The following ANKS1B variants were observed in gnomAD, a reference collection of about 807,000 sequenced individuals.
ANKS1B encodes the protein ankyrin repeat and sterile alpha motif domain-containing protein 1B.
In ANKS1B, 36 loss-of-function variants were observed where a neutral mutation model predicts 148.3. The ratio of observed to expected loss-of-function variants is 0.24; its 90% CI spans 0.19 to 0.32. ANKS1B has a LOEUF of 0.32. Among genes scored for constraint, ANKS1B ranks in the 10% least tolerant of loss-of-function variants. ANKS1B has a pLI of 1.00. For missense variants in ANKS1B, 1,157 were observed against 1,542.6 expected (o/e 0.75, Z 4.19); for synonymous variants, 542 against 560.8 (o/e 0.97, Z 0.47).
At chr12:99,418,180 T>C (rs2152702297) in intron 11 of ANKS1B, among the ~76,000 whole-genome samples, 1 of 152,298 alleles carries the variant, frequency 6.6e-6, no homozygotes, top group African/African-American at 2.4e-5. Flanking sequence ...ACATTCAGAA[T>C]ACTCTGGACA....
intron 15 of ANKS1B, among the ~76,000 whole-genome samples, chr12:99,124,336 T>C (rs2063706520): frequency 6.6e-6 from 1 of 151,810 alleles, no homozygotes; most frequent in Admixed American, 6.6e-5. Flanking sequence ...AGTTTTTCTC[T>C]TGAGCACTAG....
chr12:98,879,099 T>C (rs1489778957), intron 17 of ANKS1B, among the ~76,000 whole-genome samples: 1 of 152,228 alleles, frequency 6.6e-6, no homozygotes, highest in African/African-American at 2.4e-5. Flanking sequence ...TTGTTAAACT[T>C]AATTTTTCAG....
chr12:99,522,883 C>T (rs1164264930), intron 9 of ANKS1B, among the ~76,000 whole-genome samples: 2 of 152,154 alleles, frequency 1.3e-5, no homozygotes, highest in African/African-American at 4.8e-5. Flanking sequence ...CTGGATTGTG[C>T]TGAATTTCCT....
At chr12:99,718,148 C>T (rs1373559549) in intron 8 of ANKS1B, among the ~76,000 whole-genome samples, 2 of 152,014 alleles carry the variant, frequency 1.3e-5, no homozygotes, top group Non-Finnish European at 2.9e-5. Flanking sequence ...GATCCGCCCG[C>T]CTCTGCTTCC....
At chr12:99,982,859 A>G (rs1165560388) in intron 1 of ANKS1B, among the ~76,000 whole-genome samples, 1 of 152,196 alleles carries the variant, frequency 6.6e-6, no homozygotes, top group Admixed American at 6.5e-5. Context: ...TTAAAATCCC[A>G]TCGACTATTT....
intron 15 of ANKS1B, among the ~76,000 whole-genome samples, chr12:99,103,913 C>A (rs2058576381): frequency 6.6e-6 from 1 of 152,178 alleles, no homozygotes; most frequent in South Asian, 2.1e-4. Context: ...TTACTATATA[C>A]TTGCTAGCAA....
At chr12:99,375,085 G>A in intron 12 of ANKS1B, among the ~76,000 whole-genome samples, 1 of 152,204 alleles carries the variant, frequency 6.6e-6, no homozygotes, top group Admixed American at 6.5e-5. Flanking sequence ...GCTACTTGGT[G>A]AACAGAGTTG....
At chr12:99,304,879 A>T (rs931130302) in intron 12 of ANKS1B, among the ~76,000 whole-genome samples, 3 of 152,170 alleles carry the variant, frequency 2.0e-5, no homozygotes, top group Non-Finnish European at 4.4e-5. Context: ...AATTCATAAA[A>T]AAAGGTTAAT....
intron 3 of ANKS1B, among the ~76,000 whole-genome samples, chr12:99,809,311 T>C (rs1470384675): frequency 2.0e-5 from 3 of 151,838 alleles, no homozygotes; most frequent in Non-Finnish European, 2.9e-5. Flanking sequence ...GATTCGAGTT[T>C]CGGTGAATGG....
chr12:99,747,865 A>G (rs2060741457), intron 8 of ANKS1B, among the ~76,000 whole-genome samples: 1 of 152,170 alleles, frequency 6.6e-6, no homozygotes, highest in South Asian at 2.1e-4. Flanking sequence ...AAAAAACAAC[A>G]TCTAAACTCC....
At chr12:99,112,709 A>C (rs1160484321) in intron 15 of ANKS1B, among the ~76,000 whole-genome samples, 1 of 152,324 alleles carries the variant, frequency 6.6e-6, no homozygotes, top group African/African-American at 2.4e-5. Flanking sequence ...CCATGAGGTA[A>C]GTACAGCTGG....
chr12:99,902,218 CT>C (rs2093624671), intron 1 of ANKS1B, among the ~76,000 whole-genome samples: 1 of 152,002 alleles, frequency 6.6e-6, no homozygotes, highest in Non-Finnish European at 1.5e-5. Flanking sequence ...GACATTTTAG[CT>C]GAAATATAAA....
At chr12:99,813,151 C>A (rs2068641683) in intron 2 of ANKS1B, among the ~76,000 whole-genome samples, 1 of 151,562 alleles carries the variant, frequency 6.6e-6, no homozygotes, top group Non-Finnish European at 1.5e-5. Flanking sequence ...ATATATCCTA[C>A]CTCAAAAATT....
intron 17 of ANKS1B, among the ~76,000 whole-genome samples, chr12:98,941,333 A>G (rs2099836263): frequency 6.6e-6 from 1 of 152,206 alleles, no homozygotes; most frequent in Admixed American, 6.5e-5. Context: ...GCTGCAGGCG[A>G]TTTTAAACCA....
intron 25 of ANKS1B, among the ~76,000 whole-genome samples, chr12:98,757,611 G>A (rs61933563): frequency 0.016 from 2,435 of 152,262 alleles, 24 homozygotes; most frequent in South Asian, 0.026. Context: ...GCACTAAGGT[G>A]TCCCATCCCA....
chr12:99,713,038 GT>G (rs1316710370), intron 8 of ANKS1B, among the ~76,000 whole-genome samples: 1 of 152,192 alleles, frequency 6.6e-6, no homozygotes, highest in African/African-American at 2.4e-5. Context: ...CAAGCTGGCA[GT>G]GTTTCTGCTG....
intron 16 of ANKS1B, among the ~76,000 whole-genome samples, chr12:99,059,038 A>AT (rs1408034730): frequency 6.6e-6 from 1 of 152,088 alleles, no homozygotes; most frequent in African/African-American, 2.4e-5. Context: ...CGCCCGGCCA[A>AT]TTCTATCTAT....
chr12:99,766,259 T>C (rs2062633683), intron 8 of ANKS1B, among the ~76,000 whole-genome samples: 1 of 152,098 alleles, frequency 6.6e-6, no homozygotes. Flanking sequence ...AATCTAATAA[T>C]GAACCTACTG....
chr12:99,512,526 T>C (rs541717036), intron 9 of ANKS1B, among the ~76,000 whole-genome samples: 1 of 152,256 alleles, frequency 6.6e-6, no homozygotes, highest in Non-Finnish European at 1.5e-5. Context: ...AGAAAAAGCA[T>C]TTGACCCAGC....
Sources: allele counts gnomAD v4.1 joint callset (sites outside exome capture counted in the v4.1 genomes callset), GRCh38; gene constraint gnomAD v4.1.1; transcripts MANE v1.5; gene names NCBI Gene and HGNC (gene_info 2026-07-23, HGNC 2026-07-21).